The following LINGO2 variants were observed in gnomAD, a reference collection of about 807,000 sequenced individuals.
LINGO2 encodes the protein leucine-rich repeat and immunoglobulin-like domain-containing nogo receptor-interacting protein 2.
LINGO2 carries 14 observed loss-of-function variants against 30.6 expected under a neutral mutation model. The ratio of observed to expected loss-of-function variants is 0.46; its 90% CI spans 0.30 to 0.72. LINGO2 has a LOEUF of 0.72. Among genes scored for constraint, LINGO2 ranks in the 30% least tolerant of loss-of-function variants. The pLI is 0.07. For missense variants in LINGO2, 729 were observed against 751.7 expected (o/e 0.97, Z 0.35); for synonymous variants, 317 against 288.5 (o/e 1.10, Z -1.00).
chr9:29,031,245 A>AGTGGTG, the LINGO2 span, among the ~76,000 whole-genome samples: 3 of 150,776 alleles, frequency 2.0e-5, no homozygotes, highest in Admixed American at 1.3e-4. Context: ...ATAGTAACAA[A>AGTGGTG]GTGGTGGTGG....
intron 1 of LINGO2, among the ~76,000 whole-genome samples, chr9:28,524,189 C>T (rs1348326458): frequency 6.6e-6 from 1 of 151,956 alleles, no homozygotes; most frequent in South Asian, 2.1e-4. Flanking sequence ...AGCTTTTAAC[C>T]TTTAGTACTA....
intron 4 of LINGO2, among the ~76,000 whole-genome samples, chr9:28,244,193 A>G (rs1480179584): frequency 6.6e-6 from 1 of 152,220 alleles, no homozygotes; most frequent in Non-Finnish European, 1.5e-5. Flanking sequence ...ACACAATTAC[A>G]TGGAAATTGA....
At chr9:28,860,531 G>A in the LINGO2 span, among the ~76,000 whole-genome samples, 2 of 151,900 alleles carry the variant, frequency 1.3e-5, no homozygotes, top group Non-Finnish European at 2.9e-5. Context: ...CCACAATTAT[G>A]TGAGCCAATT....
At chr9:28,748,237 CTT>C in the LINGO2 span, among the ~76,000 whole-genome samples, 2 of 151,966 alleles carry the variant, frequency 1.3e-5, no homozygotes, top group Non-Finnish European at 2.9e-5. Flanking sequence ...ATTACAGACT[CTT>C]TGGTTGTATT....
At chr9:28,430,109 C>CACGTGTGTGTGTGTGT (rs1554720107) in intron 2 of LINGO2, among the ~76,000 whole-genome samples, 13 of 136,204 alleles carry the variant, frequency 9.5e-5, no homozygotes, top group African/African-American at 3.4e-4. Flanking sequence ...CGCGCGCGCG[C>CACGTGTGTGTGTGTGT]GTGTGTGTGT....
At chr9:29,039,567 T>A in the LINGO2 span, among the ~76,000 whole-genome samples, 1 of 152,146 alleles carries the variant, frequency 6.6e-6, no homozygotes. Flanking sequence ...CACAAATCAT[T>A]CCCAGTTCTG....
the LINGO2 span, among the ~76,000 whole-genome samples, chr9:28,808,091 A>C: frequency 6.6e-6 from 1 of 152,184 alleles, no homozygotes; most frequent in African/African-American, 2.4e-5. Context: ...TTTCTATCTT[A>C]TTGTAATTTT....
chr9:28,486,656 T>C (rs1826176093), intron 1 of LINGO2, among the ~76,000 whole-genome samples: 1 of 152,090 alleles, frequency 6.6e-6, no homozygotes, highest in Non-Finnish European at 1.5e-5. Context: ...TCTAGTTCTG[T>C]TATAATGAAT....
chr9:28,982,391 A>C, the LINGO2 span, among the ~76,000 whole-genome samples: 1 of 152,002 alleles, frequency 6.6e-6, no homozygotes, highest in Non-Finnish European at 1.5e-5. Context: ...TTCTCAGTAA[A>C]AGTTTTGCAT....
the LINGO2 span, among the ~76,000 whole-genome samples, chr9:28,978,183 C>CA: frequency 6.6e-6 from 1 of 152,016 alleles, no homozygotes; most frequent in Non-Finnish European, 1.5e-5. Flanking sequence ...CCCTGAAACC[C>CA]AAAGTCATTA....
chr9:28,156,206 A>T (rs1828126536), intron 4 of LINGO2, among the ~76,000 whole-genome samples: 1 of 152,226 alleles, frequency 6.6e-6, no homozygotes, highest in South Asian at 2.1e-4. Flanking sequence ...TTTTGAGAAT[A>T]ATAATAGCAG....
At chr9:28,784,802 G>A in the LINGO2 span, among the ~76,000 whole-genome samples, 112,612 of 151,930 alleles carry the variant, frequency 0.74, 41,870 homozygotes, top group East Asian at 0.91. Flanking sequence ...AAATACAAAA[G>A]TTAGCTGGGC....
At chr9:28,754,790 C>A in the LINGO2 span, among the ~76,000 whole-genome samples, 38 of 151,716 alleles carry the variant, frequency 2.5e-4, 1 homozygote, top group African/African-American at 9.2e-4. Flanking sequence ...ACCACCACAC[C>A]GGGCTAATTT....
intron 4 of LINGO2, among the ~76,000 whole-genome samples, chr9:28,171,730 C>T (rs532232558): frequency 2.0e-5 from 3 of 151,926 alleles, no homozygotes; most frequent in Non-Finnish European, 2.9e-5. Context: ...GCATCTCTGC[C>T]GGGTGTGGTG....
At chr9:27,960,233 G>C (rs929202548) in intron 5 of LINGO2, among the ~76,000 whole-genome samples, 1 of 152,116 alleles carries the variant, frequency 6.6e-6, no homozygotes, top group East Asian at 1.9e-4. Context: ...TGTTCTGCTA[G>C]TCTAAATTGT....
the LINGO2 span, among the ~76,000 whole-genome samples, chr9:29,150,617 A>G: frequency 1.3e-5 from 2 of 152,210 alleles, no homozygotes. Context: ...CAAGAACTTA[A>G]TAATACAGTT....
At chr9:28,502,918 G>C (rs927406832) in intron 1 of LINGO2, among the ~76,000 whole-genome samples, 5 of 152,094 alleles carry the variant, frequency 3.3e-5, no homozygotes, top group Non-Finnish European at 7.4e-5. Flanking sequence ...AGATGGCAAA[G>C]CCTCCTTAAT....
chr9:28,281,446 ATTT>A (rs1823322188), intron 4 of LINGO2, among the ~76,000 whole-genome samples: 1 of 145,256 alleles, frequency 6.9e-6, no homozygotes. Flanking sequence ...CATATTCATT[ATTT>A]TATCAATTAA....
intron 1 of LINGO2, among the ~76,000 whole-genome samples, chr9:28,584,279 T>G (rs1185672665): frequency 6.6e-6 from 1 of 152,122 alleles, no homozygotes; most frequent in Non-Finnish European, 1.5e-5. Flanking sequence ...CATTCAGTAT[T>G]GTTCAATTCT....
Sources: allele counts gnomAD v4.1 joint callset (sites outside exome capture counted in the v4.1 genomes callset), GRCh38; gene constraint gnomAD v4.1.1; transcripts MANE v1.5; gene names NCBI Gene and HGNC (gene_info 2026-07-23, HGNC 2026-07-21).